Variants in AKAP13 observed in about 807,000 individuals in gnomAD.
AKAP13 encodes the protein A-kinase anchor protein 13.
Under a neutral mutation model 264.5 loss-of-function variants are expected in AKAP13, and 80 were observed. That is an observed-to-expected ratio of 0.30 (90% CI 0.25 to 0.36). AKAP13 has a LOEUF of 0.36. Among genes scored for constraint, AKAP13 ranks in the 10% least tolerant of loss-of-function variants. The probability of loss-of-function intolerance (pLI) is 1.00; values close to 1 mark genes in which losing one functional copy is unlikely to be tolerated. For missense variants in AKAP13, 3,712 were observed against 3,435.2 expected (o/e 1.08, Z -2.01); for synonymous variants, 1,380 against 1,250.2 (o/e 1.10, Z -2.19).
At chr15:85,558,852 T>C (rs939042707) in intron 5 of AKAP13, among the ~76,000 whole-genome samples, 3 of 152,180 alleles carry the variant, frequency 2.0e-5, no homozygotes, top group African/African-American at 4.8e-5. Flanking sequence ...CTGTTTGATT[T>C]TGTTTTGTGT....
intron 7 of AKAP13, 43 bp downstream of exon 7, chr15:85,582,150 T>C (rs1252501313): frequency 6.5e-7 from 1 of 1,531,250 alleles, no homozygotes; most frequent in Non-Finnish European, 8.7e-7. Flanking sequence ...GAGAAGCAGA[T>C]TCCCTTAAGA....
intron 3 of AKAP13, among the ~76,000 whole-genome samples, chr15:85,531,718 C>G (rs2077248077): frequency 6.6e-6 from 1 of 152,218 alleles, no homozygotes; most frequent in Non-Finnish European, 1.5e-5. Context: ...GCGGATGCTT[C>G]AGCTTGCTAC....
chr15:85,627,719 A>G (rs2081491239), intron 8 of AKAP13: 2 of 152,172 alleles, frequency 1.3e-5, no homozygotes, highest in Non-Finnish European at 1.5e-5. Flanking sequence ...AAAGGTCTTT[A>G]GCCTGGGTTA....
At chr15:85,740,775 A>ACCCCCCCCCCCC (rs34080252) in intron 34 of AKAP13, among the ~76,000 whole-genome samples, 14 of 67,386 alleles carry the variant, frequency 2.1e-4, no homozygotes, top group African/African-American at 2.9e-4. Flanking sequence ...ACACACAACC[A>ACCCCCCCCCCCC]CCCCCCCCCC....
chr15:85,616,910 C>T (rs1270066025), intron 8 of AKAP13, among the ~76,000 whole-genome samples: 2 of 152,154 alleles, frequency 1.3e-5, no homozygotes, highest in Admixed American at 6.5e-5. Context: ...TATTTGTCCT[C>T]CAACAAGGAA....
intron 1 of AKAP13, among the ~76,000 whole-genome samples, chr15:85,441,668 G>A (rs187162934): frequency 3.1e-4 from 47 of 151,832 alleles, no homozygotes; most frequent in South Asian, 2.5e-3. Context: ...TCCATATTTG[G>A]GTTTATTTTT....
At position 85,570,008 on chromosome 15, in the gene AKAP13, C is replaced by T. The variant is rs552913817; in HGVS notation, c.663-5123C>T. On this transcript the variant is annotated intron_variant, in intron 5 of 36. Transcript: ENST00000394518. The stretch of plus-strand genomic sequence containing the variant: ...AGGAGAATGGCGTGAACCTGGGAGG[C>T]GGAGCTTGCGGTGAGCCGAGATTGT... 7.6e-5 allele frequency among the ~76,000 whole-genome samples: 10 copies of T among 131,230 alleles called. No homozygotes were observed. In the East Asian group the frequency reaches 7.7e-4, roughly 10 times the overall value. 86.1% of individuals were successfully genotyped at this position (131,230 alleles called of 152,430 possible).
chr15:85,513,206 G>T (rs1434542793), intron 2 of AKAP13, among the ~76,000 whole-genome samples: 2 of 152,206 alleles, frequency 1.3e-5, no homozygotes, highest in South Asian at 4.1e-4. Context: ...GCTTGTGTGA[G>T]CATGGACAGG....
Position 85,515,777 on chromosome 15 carries a change from G to T in AKAP13, c.34-5651G>T, listed in dbSNP as rs1467821529. Among the ~76,000 whole-genome samples, 2 of 137,808 alleles carry T rather than the reference G, an allele frequency of 1.5e-5. 1 individual carries two copies. The allele number at this position is 137,808 out of a possible 152,430, so 90.4% of individuals were successfully genotyped here. On this transcript the variant is annotated intron_variant, in intron 2 of 36. Coordinates refer to ENST00000394518, the MANE Select transcript of AKAP13 (RefSeq NM_007200.5). Reference sequence around the variant, plus strand: ...TTTTGTTAGGAACACTGTAAGTGATGCTGTGTCCTTAGTGCATGCTATGTG... The same window carrying T: ...TTTTGTTAGGAACACTGTAAGTGATTCTGTGTCCTTAGTGCATGCTATGTG...
chr15:85,487,957 G>A (rs2075611844), intron 2 of AKAP13, among the ~76,000 whole-genome samples: 1 of 152,088 alleles, frequency 6.6e-6, no homozygotes, highest in Non-Finnish European at 1.5e-5. Context: ...GAGTGCAGTG[G>A]CGCGACCATG....
At chr15:85,696,815 C>T (rs1055131107) in intron 17 of AKAP13, among the ~76,000 whole-genome samples, 6 of 152,168 alleles carry the variant, frequency 3.9e-5, no homozygotes, top group Admixed American at 2.0e-4. Context: ...TCAAGATATG[C>T]GGCCTCAGGG....
At chr15:85,395,440 C>T (rs1191058074) in intron 1 of AKAP13, among the ~76,000 whole-genome samples, 2 of 152,096 alleles carry the variant, frequency 1.3e-5, no homozygotes, top group Non-Finnish European at 2.9e-5. Flanking sequence ...ACTTATCTTT[C>T]TGTTCTGCCA....
chr15:85,738,907 C>T (rs1464808336), intron 33 of AKAP13, among the ~76,000 whole-genome samples: 1 of 150,794 alleles, frequency 6.6e-6, no homozygotes, highest in African/African-American at 2.4e-5. Context: ...CATAACATAT[C>T]CGAGTTGTAT....
intron 23 of AKAP13, among the ~76,000 whole-genome samples, chr15:85,720,543 G>GA (rs2087219295): frequency 6.6e-6 from 1 of 152,076 alleles, no homozygotes; most frequent in African/African-American, 2.4e-5. Flanking sequence ...TATTCTTCTT[G>GA]AAAAACACAT....
intron 3 of AKAP13, 88 bp downstream of exon 3, chr15:85,521,663 G>A: frequency 6.9e-7 from 1 of 1,440,662 alleles, no homozygotes; most frequent in Non-Finnish European, 9.4e-7. Context: ...GACAGGAAGA[G>A]TGAAGTGTAG....
chr15:85,598,506 C>T (rs1239122328), intron 8 of AKAP13, among the ~76,000 whole-genome samples: 1 of 152,188 alleles, frequency 6.6e-6, no homozygotes, highest in Admixed American at 6.5e-5. Context: ...AGCAAAGATT[C>T]CAACGGTAAA....
chr15:85,507,835 A>T (rs942432566), intron 2 of AKAP13, among the ~76,000 whole-genome samples: 1 of 152,260 alleles, frequency 6.6e-6, no homozygotes, highest in African/African-American at 2.4e-5. Flanking sequence ...ACTCCCACAC[A>T]TCAGACTGGT....
chr15:85,595,588 C>T (rs898452389), intron 8 of AKAP13, among the ~76,000 whole-genome samples: 1 of 152,204 alleles, frequency 6.6e-6, no homozygotes, highest in Non-Finnish European at 1.5e-5. Flanking sequence ...TGAAAAGTGC[C>T]TGTCTGAAAC....
chr15:85,742,107 C>T (rs375828981), intron 35 of AKAP13, among the ~76,000 whole-genome samples: 2 of 152,220 alleles, frequency 1.3e-5, no homozygotes, highest in East Asian at 1.9e-4. Flanking sequence ...AGAAAGTCTT[C>T]TTCTGCTTTT....
Sources: gnomAD v4.1 joint callset for allele counts (sites outside exome capture counted in the v4.1 genomes callset) on GRCh38, gnomAD v4.1.1 for gene constraint, MANE v1.5 for transcripts, NCBI Gene and HGNC (gene_info 2026-07-23, HGNC 2026-07-21) for gene names.